ATXN8OS: variants seen among roughly 807,000 people sequenced by gnomAD.
ATXN8OS encodes ATXN8 opposite strand lncRNA.
chr13:70,107,902 TG>T lies in ATXN8OS; in HGVS notation n.125del, dbSNP rs1888115782. On this transcript the variant is annotated non_coding_transcript_exon_variant, in exon 1 of 5. Transcript: ENST00000678624. The stretch of plus-strand genomic sequence containing the variant: ...ACGGCAAAGCCGCGCGTTTCAGCCG[TG>T]GTCGGGTCCGCAGGACCTGGGCGTG... The T allele has an allele frequency of 1.9e-5, 10 of 523,520 alleles. No individual in the cohort carries two copies. The South Asian group carries it at 2.9e-4, about 15-fold the overall frequency. 32.4% of individuals were successfully genotyped at this position (523,520 alleles called of 1,614,324 possible). A position where few individuals can be genotyped will look rare whatever the true frequency, so the allele number is the denominator to read the frequency against.
upstream of ATXN8OS, chr13:70,107,534 G>T (rs1049974608): frequency 6.2e-7 from 1 of 1,610,438 alleles, no homozygotes; most frequent in African/African-American, 1.3e-5. Context: ...CTTTTGAGCA[G>T]GCGACTCTGG....
intron 3 of ATXN8OS, chr13:70,139,383 A>ACTGCTG (rs193922930): frequency 0.015 from 6,966 of 457,750 alleles, 343 homozygotes; most frequent in Middle Eastern, 0.023. Flanking sequence ...TACTACTACT[A>ACTGCTG]CTGCTGCTGC....
chr13:70,129,090 C>G (rs1431237261), intron 2 of ATXN8OS, among the ~76,000 whole-genome samples: 2 of 152,100 alleles, frequency 1.3e-5, no homozygotes, highest in Non-Finnish European at 2.9e-5. Context: ...AAACTCCTGA[C>G]CTCAGACGAT....
chr13:70,139,122 T>C (rs1888659438), intron 3 of ATXN8OS: 1 of 405,378 alleles, frequency 2.5e-6, no homozygotes. Context: ...TTTAGGTTTT[T>C]CCTAGTTCTT....
intron 4 of ATXN8OS, among the ~76,000 whole-genome samples, chr13:70,147,429 G>A (rs910279634): frequency 1.3e-5 from 2 of 152,056 alleles, no homozygotes; most frequent in Non-Finnish European, 2.9e-5. Context: ...AATGGCTTAG[G>A]TGAGTCTGTC....
At chr13:70,125,901 G>C (rs763468956) in intron 2 of ATXN8OS, among the ~76,000 whole-genome samples, 2 of 152,052 alleles carry the variant, frequency 1.3e-5, no homozygotes, top group Non-Finnish European at 2.9e-5. Flanking sequence ...CCCACCACCG[G>C]GGGTTGTGGG....
chr13:70,125,595 AACC>A (rs760705427), intron 2 of ATXN8OS, among the ~76,000 whole-genome samples: 6 of 152,162 alleles, frequency 3.9e-5, no homozygotes, highest in Non-Finnish European at 8.8e-5. Flanking sequence ...AAATTCCTAA[AACC>A]ACTATTTTAC....
At chr13:70,108,986 C>A (rs1888153459) in intron 1 of ATXN8OS, among the ~76,000 whole-genome samples, 2 of 152,142 alleles carry the variant, frequency 1.3e-5, no homozygotes, top group Admixed American at 1.3e-4. Flanking sequence ...ACACGGGGGA[C>A]GGGTTTTGCG....
intron 4 of ATXN8OS, among the ~76,000 whole-genome samples, chr13:70,155,645 C>T (rs1888926668): frequency 6.6e-6 from 1 of 152,126 alleles, no homozygotes. Flanking sequence ...TCTCTCCTAA[C>T]AGAATGTTTC....
intron 2 of ATXN8OS, among the ~76,000 whole-genome samples, chr13:70,121,785 G>A (rs1458749699): frequency 1.3e-5 from 2 of 151,978 alleles, no homozygotes; most frequent in Admixed American, 6.6e-5. Flanking sequence ...GCGATCTTTA[G>A]AAGTGAGAGT....
chr13:70,132,489 G>A (rs1888547786), intron 3 of ATXN8OS, among the ~76,000 whole-genome samples: 1 of 151,638 alleles, frequency 6.6e-6, no homozygotes, highest in Non-Finnish European at 1.5e-5. Flanking sequence ...GATTAAAAGG[G>A]CTGAAAAACT....
intron 4 of ATXN8OS, among the ~76,000 whole-genome samples, chr13:70,159,614 T>A (rs1302031224): frequency 6.6e-6 from 1 of 152,174 alleles, no homozygotes; most frequent in Non-Finnish European, 1.5e-5. Flanking sequence ...TATGTATACA[T>A]TTGTATAACC....
chr13:70,164,564 T>TA (rs1889057049), intron 4 of ATXN8OS, among the ~76,000 whole-genome samples: 1 of 152,070 alleles, frequency 6.6e-6, no homozygotes, highest in African/African-American at 2.4e-5. Flanking sequence ...CACATGCAGC[T>TA]ACCTATCTTT....
At chr13:70,115,355 G>C (rs1302658395) in intron 2 of ATXN8OS, 2 of 397,402 alleles carry the variant, frequency 5.0e-6, no homozygotes, top group East Asian at 7.1e-5. Context: ...CCTCATGACA[G>C]AAACACCTCC....
chr13:70,164,865 A>G lies in ATXN8OS; in HGVS notation n.574-4888A>G, dbSNP rs184122257. ...TATTCAACTATGTGCAATAACTGAA[A>G]ATAAAAGAATTGTGGAAAATTTCTA... On this transcript the variant is annotated intron_variant and non_coding_transcript_variant, in intron 4 of 4. Transcript: ENST00000678624. Among the ~76,000 whole-genome samples, 269 of 152,188 alleles carry G rather than the reference A, an allele frequency of 1.8e-3. 4 individuals carry two copies. The highest frequency in any genetic ancestry group is 5.6e-3 in the South Asian group (27 of 4,826).
rs547867408 is a variant in ATXN8OS, at chr13:70,157,629, T to A, written n.573+10201T>A. ...CTTTCAGCATTTCTGAGTGTGGAGCTCATTCTCTCTTATTGAACGCAGCTT... is the reference window on the plus strand; with the variant it reads ...CTTTCAGCATTTCTGAGTGTGGAGCACATTCTCTCTTATTGAACGCAGCTT... On this transcript the variant is annotated intron_variant and non_coding_transcript_variant, in intron 4 of 4. Transcript: ENST00000678624. 1.8e-4 allele frequency among the ~76,000 whole-genome samples: 28 copies of A among 152,228 alleles called. No homozygotes were observed. The South Asian group carries it at 5.2e-3, about 28-fold the overall frequency.
At chr13:70,148,598 A>G (rs1487898331) in intron 4 of ATXN8OS, among the ~76,000 whole-genome samples, 2 of 152,134 alleles carry the variant, frequency 1.3e-5, no homozygotes, top group Admixed American at 6.6e-5. Context: ...ATTCATAAAT[A>G]AAAAGAAAAA....
chr13:70,132,102 T>G (rs1342084437), intron 3 of ATXN8OS, among the ~76,000 whole-genome samples: 3 of 152,150 alleles, frequency 2.0e-5, no homozygotes, highest in African/African-American at 7.2e-5. Context: ...TAGTTCACTT[T>G]TATAATGCAT....
chr13:70,138,166 A>G (rs915823101), intron 3 of ATXN8OS, among the ~76,000 whole-genome samples: 3 of 152,186 alleles, frequency 2.0e-5, no homozygotes, highest in Non-Finnish European at 4.4e-5. Flanking sequence ...TATCGCTTGC[A>G]ATGTTTCCCC....
Sources: gnomAD v4.1 joint callset for allele counts (sites outside exome capture counted in the v4.1 genomes callset) on GRCh38, gnomAD v4.1.1 for gene constraint, MANE v1.5 for transcripts, NCBI Gene and HGNC (gene_info 2026-07-23, HGNC 2026-07-21) for gene names.